Variants in CTNNA3 observed in about 807,000 individuals in gnomAD.
CTNNA3 encodes catenin alpha-3.
Under a neutral mutation model 95.7 loss-of-function variants are expected in CTNNA3, and 76 were observed. That is an observed-to-expected ratio of 0.79 (90% CI 0.66 to 0.96). The LOEUF (loss-of-function observed/expected upper bound fraction) is 0.96. Among genes scored for constraint, CTNNA3 ranks in the 40% least tolerant of loss-of-function variants. The pLI is 0.00. For synonymous variants in CTNNA3, 431 were observed against 374.4 expected (o/e 1.15, Z -1.74); for missense variants, 1,191 against 1,089.8 (o/e 1.09, Z -1.31).
At chr10:66,190,600 T>C (rs570290896) in intron 13 of CTNNA3, among the ~76,000 whole-genome samples, 1 of 152,286 alleles carries the variant, frequency 6.6e-6, no homozygotes, top group South Asian at 2.1e-4. Flanking sequence ...GTCATTTGCC[T>C]ATATGCAAGT....
At chr10:67,338,247 A>G (rs1193709928) in intron 5 of CTNNA3, among the ~76,000 whole-genome samples, 1 of 152,154 alleles carries the variant, frequency 6.6e-6, no homozygotes, top group East Asian at 1.9e-4. Flanking sequence ...GTCATGGCAG[A>G]AGGAAAGGGA....
intron 9 of CTNNA3, among the ~76,000 whole-genome samples, chr10:66,642,964 T>G (rs1293695487): frequency 6.6e-6 from 1 of 152,080 alleles, no homozygotes; most frequent in Non-Finnish European, 1.5e-5. Flanking sequence ...TTTCAAATCT[T>G]CCATGTAAAG....
intron 1 of CTNNA3, among the ~76,000 whole-genome samples, chr10:67,657,739 C>G (rs1307240725): frequency 6.8e-6 from 1 of 148,072 alleles, no homozygotes; most frequent in Admixed American, 6.8e-5. Flanking sequence ...CCCAGCTACT[C>G]GGGAGGCTGA....
chr10:67,220,490 G>A (rs144340812), intron 5 of CTNNA3, among the ~76,000 whole-genome samples: 2 of 151,988 alleles, frequency 1.3e-5, no homozygotes, highest in African/African-American at 4.8e-5. Context: ...CTTTCTTTTG[G>A]GGGGAAAGGG....
chr10:67,311,984 A>G (rs930885451), intron 5 of CTNNA3, among the ~76,000 whole-genome samples: 9 of 151,652 alleles, frequency 5.9e-5, no homozygotes, highest in Admixed American at 3.9e-4. Flanking sequence ...CACACGTACC[A>G]CCTCACCTCA....
At chr10:67,405,145 C>T (rs533040943) in intron 5 of CTNNA3, among the ~76,000 whole-genome samples, 31 of 152,222 alleles carry the variant, frequency 2.0e-4, no homozygotes, top group Middle Eastern at 6.8e-3. Flanking sequence ...AAAGCAACTA[C>T]ATAAACAAGT....
rs556397886 is a variant in CTNNA3 at position 66,667,048 on chromosome 10, C to T, written c.1282-45264G>A. On this transcript the variant is annotated intron_variant, in intron 9 of 17. Transcript: ENST00000433211. ...TTATCAGAGAATCATACTATTAACC[C>T]CTATTGAGTTTATAGTCAAGCACAA... Among the ~76,000 whole-genome samples, 82 of 152,104 alleles carry T rather than the reference C, an allele frequency of 5.4e-4. 1 individual carries two copies. In the South Asian group the frequency reaches 0.017, roughly 31 times the overall value.
chr10:66,539,032 A>T (rs768730735), intron 10 of CTNNA3, among the ~76,000 whole-genome samples: 4 of 152,024 alleles, frequency 2.6e-5, no homozygotes, highest in Non-Finnish European at 5.9e-5. Flanking sequence ...TGTTGTCATC[A>T]TTGCTGTTAT....
At chr10:67,444,997 T>C (rs1208000307) in intron 5 of CTNNA3, among the ~76,000 whole-genome samples, 1 of 151,924 alleles carries the variant, frequency 6.6e-6, no homozygotes, top group Non-Finnish European at 1.5e-5. Flanking sequence ...ACAATATAGT[T>C]TATGAAGAAC....
At chr10:66,267,705 T>C (rs1589896334) in intron 13 of CTNNA3, among the ~76,000 whole-genome samples, 1 of 152,180 alleles carries the variant, frequency 6.6e-6, no homozygotes, top group South Asian at 2.1e-4. Context: ...TTCTTCATTG[T>C]ATGTTTCCCA....
chr10:66,697,263 T>G (rs1847800131), intron 9 of CTNNA3, among the ~76,000 whole-genome samples: 1 of 149,558 alleles, frequency 6.7e-6, no homozygotes, highest in African/African-American at 2.4e-5. Context: ...TCTATATATA[T>G]ATAGATATAT....
At position 66,227,526 on chromosome 10, in the gene CTNNA3, G is replaced by A. The variant is rs76133602; in HGVS notation, c.1884+52944C>T. Among the ~76,000 whole-genome samples, 444 of 151,992 alleles carry A rather than the reference G, an allele frequency of 2.9e-3. 7 individuals are homozygous for A. The East Asian group carries it at 0.037, about 13-fold the overall frequency. Reference sequence around the variant, plus strand: ...TGCATTCCTAGAAAAATAATCCCACGTAATTGCAATGTATAATCCTTCTGA... The same window carrying A: ...TGCATTCCTAGAAAAATAATCCCACATAATTGCAATGTATAATCCTTCTGA... On this transcript the variant is annotated intron_variant, in intron 13 of 17. Coordinates refer to ENST00000433211, the MANE Select transcript of CTNNA3 (RefSeq NM_013266.4).
At chr10:65,934,257 C>T (rs1282814552) in intron 17 of CTNNA3, among the ~76,000 whole-genome samples, 1 of 152,162 alleles carries the variant, frequency 6.6e-6, no homozygotes, top group African/African-American at 2.4e-5. Flanking sequence ...ATGAAGACAA[C>T]GTAATCAGTC....
At chr10:65,941,700 A>G (rs1160253754) in intron 17 of CTNNA3, among the ~76,000 whole-genome samples, 3 of 152,138 alleles carry the variant, frequency 2.0e-5, no homozygotes, top group South Asian at 2.1e-4. Context: ...CCCCCATTTC[A>G]TATTTAGTAT....
At chr10:66,929,012 TA>T (rs1467674839) in intron 7 of CTNNA3, among the ~76,000 whole-genome samples, 2 of 152,194 alleles carry the variant, frequency 1.3e-5, no homozygotes, top group Non-Finnish European at 2.9e-5. Context: ...GGTGCTAGGT[TA>T]AAGCAGCACC....
At chr10:66,687,167 T>C (rs1847328016) in intron 9 of CTNNA3, among the ~76,000 whole-genome samples, 1 of 152,060 alleles carries the variant, frequency 6.6e-6, no homozygotes, top group Non-Finnish European at 1.5e-5. Context: ...AAAGGGTACA[T>C]TCATTTCCTA....
At chr10:66,520,245 CTTTTTTTTTTT>C (rs543882241) in intron 11 of CTNNA3, among the ~76,000 whole-genome samples, 1 of 78,012 alleles carries the variant, frequency 1.3e-5, no homozygotes, top group Non-Finnish European at 2.3e-5. Flanking sequence ...TAGTATTATT[CTTTTTTTTTTT>C]TTTTTTTTTT....
In CTNNA3 at chr10:67,043,692, C is replaced by G. The variant is rs140263922; in HGVS notation, c.1047+136625G>C. On this transcript the variant is annotated intron_variant, in intron 7 of 17. Coordinates refer to ENST00000433211, the MANE Select transcript of CTNNA3 (RefSeq NM_013266.4). ...GCCTACCCTTTAATCTCCCACTGCT[C>G]CTAAAAAGGAATCATCCATCTTTAT... 8.9e-4 allele frequency among the ~76,000 whole-genome samples: 136 copies of G among 152,194 alleles called. 3 individuals are homozygous for G. The highest frequency in any genetic ancestry group is 3.2e-3 in the African/African-American group (132 of 41,548).
At chr10:67,398,905 T>G (rs1266761158) in intron 5 of CTNNA3, among the ~76,000 whole-genome samples, 1 of 152,220 alleles carries the variant, frequency 6.6e-6, no homozygotes, top group Non-Finnish European at 1.5e-5. Context: ...TGATTGTAAG[T>G]TTCCTGAGGC....
Sources: allele counts gnomAD v4.1 joint callset (sites outside exome capture counted in the v4.1 genomes callset), GRCh38; gene constraint gnomAD v4.1.1; transcripts MANE v1.5; gene names NCBI Gene and HGNC (gene_info 2026-07-23, HGNC 2026-07-21).